Variants in OSBP2 observed in about 807,000 individuals in gnomAD.
The protein encoded by OSBP2 is oxysterol-binding protein 2.
Under a neutral mutation model 96.0 loss-of-function variants are expected in OSBP2, and 66 were observed. The observed-to-expected ratio is 0.69, with a 90% CI of 0.56 to 0.84. The LOEUF (loss-of-function observed/expected upper bound fraction) is 0.84. OSBP2 is among the 40% of genes least tolerant of loss of function. The pLI is 0.00. For missense variants in OSBP2, 1,038 were observed against 1,222.7 expected (o/e 0.85, Z 2.25); for synonymous variants, 525 against 520.9 (o/e 1.01, Z -0.11).
chr22:30,809,596 G>A (rs536740830), intron 2 of OSBP2, among the ~76,000 whole-genome samples: 1 of 152,326 alleles, frequency 6.6e-6, no homozygotes, highest in South Asian at 2.1e-4. Context: ...GGAGTGCTGA[G>A]CCCTACAAGG....
In OSBP2 at chr22:30,906,039, G is replaced by A. The variant is rs774486423; in HGVS notation, c.2578G>A (p.Gly860Arg). 4.1e-5 allele frequency: 64 copies of A among 1,565,458 alleles called. No homozygotes were observed. The highest frequency in any genetic ancestry group is 5.1e-5 in the Non-Finnish European group (59 of 1,157,402). ...LSRRRRLEACGPGSSCSSEEE... is the reference protein window; with the variant it reads ...LSRRRRLEACRPGSSCSSEEE... ...GCGGCGCCGGCGGCTGGAGGCCTGC[G>A]GGCCGGGCAGCAGCTGCAGCTCGGA... Residue 860 changes from glycine (G) to arginine (R), a missense_variant, in exon 13 of 14, where the codon GGG (glycine) becomes AGG (arginine). Around this residue, in one of 3 missense-constraint regions of OSBP2, gnomAD observed 737 missense variants for 913.3 expected, o/e 0.81. Coordinates refer to ENST00000332585, the MANE Select transcript of OSBP2 (RefSeq NM_030758.4).
intron 1 of OSBP2, among the ~76,000 whole-genome samples, chr22:30,716,605 T>A (rs930415768): frequency 6.6e-6 from 1 of 150,942 alleles, no homozygotes; most frequent in Non-Finnish European, 1.5e-5. Flanking sequence ...GCCTGGCTAA[T>A]TTTTTGTATT....
At chr22:30,745,690 A>T (rs904436888) in intron 2 of OSBP2, among the ~76,000 whole-genome samples, 1 of 140,416 alleles carries the variant, frequency 7.1e-6, no homozygotes, top group Non-Finnish European at 1.5e-5. Context: ...AAAAAAAAAA[A>T]TTAGAGTTAG....
chr22:30,698,174 T>C (rs2089086062), intron 1 of OSBP2, among the ~76,000 whole-genome samples: 1 of 152,124 alleles, frequency 6.6e-6, no homozygotes, highest in African/African-American at 2.4e-5. Context: ...GTGCCGTGCA[T>C]GTGTGTTATC....
chr22:30,769,593 G>A (rs1311476047), intron 2 of OSBP2, among the ~76,000 whole-genome samples: 2 of 152,302 alleles, frequency 1.3e-5, no homozygotes, highest in African/African-American at 2.4e-5. Flanking sequence ...AGGTTGCAGT[G>A]AGCGGAGATT....
chr22:30,828,510 G>A (rs2038452614), intron 2 of OSBP2, among the ~76,000 whole-genome samples: 1 of 152,224 alleles, frequency 6.6e-6, no homozygotes, highest in South Asian at 2.1e-4. Context: ...ATGCCAAGTA[G>A]AGAAGATTGA....
At position 30,727,547 on chromosome 22, in the gene OSBP2, C is replaced by A. The variant is rs528168224; in HGVS notation, c.645-13614C>A. On this transcript the variant is annotated intron_variant, in intron 1 of 13. Transcript: ENST00000332585. The stretch of plus-strand genomic sequence containing the variant: ...AGCGAGCTCTGTGGACAAAGTCATG[C>A]CACAGAACCACCCCAGAGAGGACAC... Among the ~76,000 whole-genome samples the A allele has an allele frequency of 1.7e-3, 260 of 152,178 alleles. 1 individual carries two copies. Among genetic ancestry groups the A allele is most frequent in the African/African-American group, 5.7e-3 (238 of 41,538 alleles).
In OSBP2 at chr22:30,796,910, G is replaced by T. The variant is rs192481744; in HGVS notation, c.853+55541G>T. On this transcript the variant is annotated intron_variant, in intron 2 of 13. Coordinates refer to ENST00000332585, the MANE Select transcript of OSBP2 (RefSeq NM_030758.4). ...TGGCATTAAATATATTAGTGTTGTT[G>T]TGCATCCATGACCAGCAATAATCCA... is the stretch of plus-strand genomic sequence containing the variant. 2.0e-3 allele frequency among the ~76,000 whole-genome samples: 310 copies of T among 152,266 alleles called. 1 individual carries two copies. The highest frequency in any genetic ancestry group is 7.2e-3 in the African/African-American group (300 of 41,542).
intron 1 of OSBP2, among the ~76,000 whole-genome samples, chr22:30,732,151 A>T (rs1366719371): frequency 6.6e-6 from 1 of 152,084 alleles, no homozygotes; most frequent in Admixed American, 6.6e-5. Context: ...TAAAAATACA[A>T]AAATTAGCTG....
At chr22:30,854,875 G>A (rs1377541427) in intron 2 of OSBP2, among the ~76,000 whole-genome samples, 1 of 152,182 alleles carries the variant, frequency 6.6e-6, no homozygotes, top group African/African-American at 2.4e-5. Flanking sequence ...CAGCATGGCT[G>A]GGGAGGCCTC....
intron 2 of OSBP2, among the ~76,000 whole-genome samples, chr22:30,795,347 T>C (rs1307611797): frequency 2.0e-5 from 3 of 152,136 alleles, no homozygotes; most frequent in African/African-American, 7.2e-5. Context: ...TTGGGAAAAA[T>C]TCATCACCTT....
At chr22:30,726,659 T>C (rs2089656373) in intron 1 of OSBP2, among the ~76,000 whole-genome samples, 1 of 152,160 alleles carries the variant, frequency 6.6e-6, no homozygotes, top group African/African-American at 2.4e-5. Flanking sequence ...AAATAATAAA[T>C]AAATAAATGT....
chr22:30,809,804 G>A (rs1259425355), intron 2 of OSBP2, among the ~76,000 whole-genome samples: 1 of 152,180 alleles, frequency 6.6e-6, no homozygotes, highest in Non-Finnish European at 1.5e-5. Flanking sequence ...AGGTGTGGCT[G>A]GTCGAGGTGG....
intron 2 of OSBP2, among the ~76,000 whole-genome samples, chr22:30,811,332 TTTTATTTATTTATTTATTTA>T (rs141199866): frequency 5.8e-5 from 8 of 138,142 alleles, no homozygotes; most frequent in Non-Finnish European, 1.1e-4. Flanking sequence ...TTTTTATTTA[TTTTATTTATTTATTTATTTA>T]TTTATTTATT....
At chr22:30,756,617 C>T (rs1323683722) in intron 2 of OSBP2, among the ~76,000 whole-genome samples, 3 of 152,018 alleles carry the variant, frequency 2.0e-5, no homozygotes, top group South Asian at 2.1e-4. Flanking sequence ...CGTTCGAACC[C>T]GGGAGGTGGA....
At chr22:30,789,939 A>G (rs2090648533) in intron 2 of OSBP2, among the ~76,000 whole-genome samples, 1 of 152,174 alleles carries the variant, frequency 6.6e-6, no homozygotes, top group South Asian at 2.1e-4. Flanking sequence ...GGTAAGAGGA[A>G]TGTGAATCTC....
At chr22:30,719,229 G>A (rs183786176) in intron 1 of OSBP2, among the ~76,000 whole-genome samples, 19 of 152,068 alleles carry the variant, frequency 1.2e-4, no homozygotes, top group African/African-American at 4.3e-4. Flanking sequence ...GTTTGTGCTC[G>A]GTGGCAGTGT....
intron 8 of OSBP2, among the ~76,000 whole-genome samples, chr22:30,891,440 G>A (rs1353201754): frequency 6.6e-6 from 1 of 152,206 alleles, no homozygotes; most frequent in East Asian, 1.9e-4. Context: ...AGGCCCAGGA[G>A]CCTCAGCAGT....
intron 2 of OSBP2, among the ~76,000 whole-genome samples, chr22:30,843,246 A>T (rs2038792003): frequency 6.6e-6 from 1 of 151,974 alleles, no homozygotes; most frequent in Non-Finnish European, 1.5e-5. Context: ...TGATATTTTG[A>T]CCTCCTCCCA....
Sources: gnomAD v4.1 joint callset for allele counts (sites outside exome capture counted in the v4.1 genomes callset) on GRCh38, gnomAD v4.1.1 for gene constraint, gnomAD v4.1.1 regional missense constraint, MANE v1.5 for transcripts, NCBI Gene and HGNC (gene_info 2026-07-23, HGNC 2026-07-21) for gene names.